VPS13C: variants seen among roughly 807,000 people sequenced by gnomAD.
VPS13C encodes intermembrane lipid transfer protein VPS13C.
Under a neutral mutation model 456.8 loss-of-function variants are expected in VPS13C, and 358 were observed. The ratio of observed to expected loss-of-function variants is 0.78; its 90% CI spans 0.72 to 0.86. The LOEUF (loss-of-function observed/expected upper bound fraction) is 0.86. VPS13C is among the 40% of genes least tolerant of loss of function. The pLI, the probability that VPS13C is intolerant of heterozygous loss-of-function variation, is 0.00. For synonymous variants in VPS13C, 1,578 were observed against 1,486.7 expected (o/e 1.06, Z -1.41); for missense variants, 4,818 against 4,385.4 (o/e 1.10, Z -2.79).
At position 61,854,499 on chromosome 15, in the gene VPS13C, C is replaced by T; in HGVS notation, c.11220G>A (p.Lys3740=). ...GTCTGAGAAGTCTCACTGATGACTGCTTCATCAATTTTTGCTGCTGTCTCG... is the reference window on the plus strand; with the variant it reads ...GTCTGAGAAGTCTCACTGATGACTGTTTCATCAATTTTTGCTGCTGTCTCG... ...QSTRQQQKLM[K]QSSVRLLRPQ... is the part of the protein sequence containing the mutation. Residue 3740 remains lysine, a synonymous_variant, in exon 85 of 85, where the codon AAG becomes AAA. Coordinates refer to ENST00000644861, the MANE Select transcript of VPS13C (RefSeq NM_020821.3). 1 of 1,614,116 alleles carries T rather than the reference C, an allele frequency of 6.2e-7. No individual in the cohort carries two copies. Among genetic ancestry groups the T allele is most frequent in the African/African-American group, 1.3e-5 (1 of 75,024 alleles).
At chr15:62,030,439 G>C (rs2047774883) in intron 5 of VPS13C, among the ~76,000 whole-genome samples, 1 of 151,988 alleles carries the variant, frequency 6.6e-6, no homozygotes. Context: ...TGCCGTGACT[G>C]AAAGCTTTCT....
intron 16 of VPS13C, among the ~76,000 whole-genome samples, chr15:61,998,807 C>T (rs2046485749): frequency 6.6e-6 from 1 of 152,202 alleles, no homozygotes; most frequent in Admixed American, 6.5e-5. Context: ...TCTTCTGCCT[C>T]TGCTACCCCT....
intron 2 of VPS13C, among the ~76,000 whole-genome samples, chr15:62,041,821 A>G (rs1466152282): frequency 6.6e-6 from 1 of 151,234 alleles, no homozygotes; most frequent in Non-Finnish European, 1.5e-5. Flanking sequence ...CTCTGTCTCA[A>G]AAAAAAAAAT....
In VPS13C at chr15:61,867,566, C is replaced by T. The variant is rs1304668221; in HGVS notation, c.10863+1093G>A. On this transcript the variant is annotated intron_variant, in intron 81 of 84. Coordinates refer to ENST00000644861, the MANE Select transcript of VPS13C (RefSeq NM_020821.3). This position sits in a 1 kb window ranked among gnomAD's most constrained non-coding sequence, Gnocchi z 5.0. ...CATATTAATTGGACATAATAATTGTCCTGTTTTTCAATTTTACCTGAAATG... is the reference window on the plus strand; with the variant it reads ...CATATTAATTGGACATAATAATTGTTCTGTTTTTCAATTTTACCTGAAATG... 9.8e-7 allele frequency: 1 copy of T among 1,019,272 alleles called. No homozygotes were observed. Among genetic ancestry groups the T allele is most frequent in the Admixed American group, 5.8e-5 (1 of 17,118 alleles). The allele number at this position is 1,019,272 out of a possible 1,614,324, so 63.1% of individuals were successfully genotyped here.
At chr15:61,924,390 C>G (rs979415611) in intron 53 of VPS13C, among the ~76,000 whole-genome samples, 3 of 152,214 alleles carry the variant, frequency 2.0e-5, no homozygotes, top group Admixed American at 6.5e-5. Context: ...GCACTGAAAG[C>G]TGTAATCACT....
intron 18 of VPS13C, among the ~76,000 whole-genome samples, chr15:61,990,181 A>G (rs956908004): frequency 7.2e-5 from 11 of 152,150 alleles, no homozygotes; most frequent in Non-Finnish European, 1.3e-4. Context: ...GCAAAACAAA[A>G]TAACAGTATT....
chr15:61,953,511 C>T (rs1004841141), intron 38 of VPS13C, among the ~76,000 whole-genome samples: 1 of 150,942 alleles, frequency 6.6e-6, no homozygotes, highest in Admixed American at 6.6e-5. Flanking sequence ...GTTCTTGCGA[C>T]AGTTACTGAG....
Position 61,946,313 on chromosome 15 carries a change from G to A in VPS13C, c.4974C>T (p.His1658=). ...IVMNVDLQSI[H]KKAVSILGDE... ...AAATCTATTTTTTAATCACCTTTTT[G>A]TGAATGGACTGCAAATCTACATTCA... The change falls in exon 44 of 85, where the codon CAC becomes CAT. Residue 1658 remains histidine (H), a synonymous_variant. Coordinates refer to ENST00000644861, the MANE Select transcript of VPS13C (RefSeq NM_020821.3). 6.3e-7 allele frequency: 1 copy of A among 1,586,688 alleles called. No individual in the cohort carries two copies. Among genetic ancestry groups the A allele is most frequent in the Non-Finnish European group, 8.5e-7 (1 of 1,170,418 alleles).
chr15:62,047,947 T>C (rs1304694593), intron 1 of VPS13C, among the ~76,000 whole-genome samples: 2 of 152,104 alleles, frequency 1.3e-5, no homozygotes, highest in Non-Finnish European at 1.5e-5. Flanking sequence ...AACATAATAA[T>C]TCTATACAAT....
At chr15:61,907,692 G>A (rs1164098903) in intron 65 of VPS13C, among the ~76,000 whole-genome samples, 1 of 152,156 alleles carries the variant, frequency 6.6e-6, no homozygotes, top group Non-Finnish European at 1.5e-5. Flanking sequence ...CTGTGGAAAT[G>A]GCTGTGAAGA....
intron 26 of VPS13C, 85 bp from the exon 27 acceptor site, chr15:61,972,849 G>T: frequency 7.2e-7 from 1 of 1,385,890 alleles, no homozygotes; most frequent in Non-Finnish European, 9.7e-7. Flanking sequence ...TCTAAAAAGT[G>T]AAATTCATTT....
chr15:61,859,162 G>A (rs1391710095), intron 82 of VPS13C, among the ~76,000 whole-genome samples: 6 of 150,670 alleles, frequency 4.0e-5, no homozygotes, highest in Admixed American at 3.3e-4. Context: ...CTTGAGCCCA[G>A]AGTTGAAGAC....
chr15:61,880,982 G>C, intron 71 of VPS13C, 28 bp from the exon 72 acceptor site: 1 of 1,525,178 alleles, frequency 6.6e-7, no homozygotes. Context: ...AAATGGAAAA[G>C]GATTTCTACC....
In VPS13C at chr15:62,035,740, TA is replaced by T. The variant is rs1414617469; in HGVS notation, c.188-689del. 2.6e-5 allele frequency among the ~76,000 whole-genome samples: 4 copies of T among 152,036 alleles called. No individual in the cohort carries two copies. The East Asian group carries it at 7.7e-4, about 29-fold the overall frequency. On this transcript the variant is annotated intron_variant, in intron 3 of 84. Coordinates refer to ENST00000644861, the MANE Select transcript of VPS13C (RefSeq NM_020821.3). ...CAGTTATATTCCAAATATCTACTTA[TA>T]AATCACTTAGAAGACAGAACACATG...
intron 27 of VPS13C, among the ~76,000 whole-genome samples, chr15:61,969,681 T>G (rs1362815825): frequency 6.6e-6 from 1 of 152,212 alleles, no homozygotes; most frequent in Non-Finnish European, 1.5e-5. Flanking sequence ...CTTCATTGTT[T>G]ACTTTTTCTA....
intron 1 of VPS13C, among the ~76,000 whole-genome samples, chr15:62,051,260 C>G (rs1596538695): frequency 6.6e-6 from 1 of 152,212 alleles, no homozygotes; most frequent in East Asian, 1.9e-4. Context: ...TCGATAAATA[C>G]TGACTTCAGA....
At chr15:62,043,982 T>G (rs760366062) in intron 2 of VPS13C, among the ~76,000 whole-genome samples, 38 of 152,144 alleles carry the variant, frequency 2.5e-4, no homozygotes, top group Non-Finnish European at 4.4e-4. Context: ...TACAGTCAAA[T>G]TAGATCAACG....
chr15:61,875,028 T>C, intron 76 of VPS13C, 77 bp from the exon 77 acceptor site: 1 of 1,283,624 alleles, frequency 7.8e-7, no homozygotes, highest in Non-Finnish European at 1.0e-6. Context: ...GTTCAGGGTT[T>C]GCAAGAAGAA....
At chr15:61,898,041 C>G (rs2042883861) in intron 66 of VPS13C, among the ~76,000 whole-genome samples, 1 of 152,054 alleles carries the variant, frequency 6.6e-6, no homozygotes, top group African/African-American at 2.4e-5. Context: ...ACTTTACAGA[C>G]AAGCAAATGC....
Sources: allele counts gnomAD v4.1 joint callset (sites outside exome capture counted in the v4.1 genomes callset), GRCh38; gene constraint gnomAD v4.1.1; non-coding constraint Gnocchi (gnomAD v3.1); transcripts MANE v1.5; gene names NCBI Gene and HGNC (gene_info 2026-07-23, HGNC 2026-07-21).